Variants in DNAJC5B observed in about 807,000 individuals in gnomAD.
DNAJC5B encodes the protein DnaJ heat shock protein family (Hsp40) member C5 beta, also known as dnaJ homolog subfamily C member 5B.
In DNAJC5B, 23 loss-of-function variants were observed where a neutral mutation model predicts 24.7. The observed-to-expected ratio is 0.93, with a 90% CI of 0.67 to 1.32. The LOEUF (loss-of-function observed/expected upper bound fraction) is 1.32, where lower values mean the gene tolerates loss of function less well. DNAJC5B is among the 40% of genes most tolerant of loss of function. DNAJC5B has a pLI of 0.00. For missense variants in DNAJC5B, 238 were observed against 240.8 expected, an observed-to-expected ratio of 0.99 and a Z score of 0.08; for synonymous variants, 101 against 90.1, an observed-to-expected ratio of 1.12 and a Z score of -0.68.
chr8:66,036,497 G>A (rs532528160), intron 1 of DNAJC5B, among the ~76,000 whole-genome samples: 5 of 152,278 alleles, frequency 3.3e-5, no homozygotes, highest in African/African-American at 9.6e-5. Context: ...AGAGGGCGGC[G>A]TCCTCTCCAG....
chr8:66,025,892 G>A (rs1441248161), intron 1 of DNAJC5B, among the ~76,000 whole-genome samples: 1 of 92,064 alleles, frequency 1.1e-5, no homozygotes, highest in Non-Finnish European at 1.9e-5. Flanking sequence ...TTTGGCTTAG[G>A]ATTGACTTGG....
chr8:66,083,003 C>CTTTTTTTTTTTTTTTTTTTTTTTT (rs765749597), intron 5 of DNAJC5B, among the ~76,000 whole-genome samples: 2 of 86,718 alleles, frequency 2.3e-5, no homozygotes, highest in African/African-American at 4.9e-5. Context: ...CTTTTCTTTT[C>CTTTTTTTTTTTTTTTTTTTTTTTT]TTTTTTTTTT....
intron 1 of DNAJC5B, among the ~76,000 whole-genome samples, chr8:66,039,827 C>T (rs1444048032): frequency 1.3e-5 from 2 of 152,178 alleles, no homozygotes; most frequent in African/African-American, 4.8e-5. Context: ...TCCACTGATG[C>T]ATTTTAAATT....
intron 1 of DNAJC5B, among the ~76,000 whole-genome samples, chr8:66,027,755 T>C (rs1388413781): frequency 6.6e-6 from 1 of 152,192 alleles, no homozygotes; most frequent in Non-Finnish European, 1.5e-5. Flanking sequence ...GAACTGACGC[T>C]ATCTCCCTCC....
chr8:66,048,466 C>T (rs1806773288), intron 2 of DNAJC5B, among the ~76,000 whole-genome samples: 1 of 152,164 alleles, frequency 6.6e-6, no homozygotes, highest in South Asian at 2.1e-4. Context: ...TTAGTCTTTA[C>T]AGAGGGCTTA....
chr8:66,068,055 G>C (rs1292297111), intron 3 of DNAJC5B, among the ~76,000 whole-genome samples: 1 of 152,162 alleles, frequency 6.6e-6, no homozygotes, highest in East Asian at 1.9e-4. Context: ...GATGATCTTA[G>C]TTTTGCAAAG....
chr8:66,022,259 T>G (rs546738498), intron 1 of DNAJC5B, among the ~76,000 whole-genome samples: 1 of 152,346 alleles, frequency 6.6e-6, no homozygotes, highest in Admixed American at 6.5e-5. Flanking sequence ...AGTTCTGTTT[T>G]CTTTACCTTG....
intron 2 of DNAJC5B, among the ~76,000 whole-genome samples, chr8:66,047,187 G>A (rs1014152248): frequency 6.6e-6 from 1 of 152,184 alleles, no homozygotes; most frequent in Non-Finnish European, 1.5e-5. Flanking sequence ...TTAACAATGA[G>A]GGCCAAAATT....
intron 5 of DNAJC5B, among the ~76,000 whole-genome samples, chr8:66,083,109 T>A (rs2128965232): frequency 6.6e-6 from 1 of 150,658 alleles, no homozygotes; most frequent in South Asian, 2.1e-4. Flanking sequence ...CCTCCCGGGT[T>A]CAAGCAATTC....
intron 3 of DNAJC5B, among the ~76,000 whole-genome samples, chr8:66,066,021 T>C (rs1184881511): frequency 6.6e-6 from 1 of 152,226 alleles, no homozygotes; most frequent in African/African-American, 2.4e-5. Flanking sequence ...AGACTGGCTC[T>C]ACGTGGCTGG....
At chr8:66,018,480 C>T (rs1284402043), upstream of DNAJC5B, among the ~76,000 whole-genome samples, 1 of 152,126 alleles carries the variant, frequency 6.6e-6, no homozygotes, top group African/African-American at 2.4e-5. Flanking sequence ...GATCGTGCCA[C>T]TGCACTCCAG....
chr8:66,064,360 G>C (rs1359360652), intron 3 of DNAJC5B, among the ~76,000 whole-genome samples: 1 of 152,166 alleles, frequency 6.6e-6, no homozygotes, highest in Non-Finnish European at 1.5e-5. Flanking sequence ...TTTGTCACTG[G>C]AACTTAAGCC....
upstream of DNAJC5B, among the ~76,000 whole-genome samples, chr8:66,017,901 T>C (rs1188627199): frequency 2.0e-5 from 3 of 152,216 alleles, no homozygotes; most frequent in African/African-American, 7.2e-5. Context: ...AGAAAAATCC[T>C]AAAGAACAAA....
At chr8:66,057,648 A>G (rs796355094) in intron 3 of DNAJC5B, 3 of 152,358 alleles carry the variant, frequency 2.0e-5, no homozygotes, top group African/African-American at 7.2e-5. Flanking sequence ...ATTTCTGAAA[A>G]CTACAGACAA....
chr8:66,072,433 G>A (rs1586100947), intron 3 of DNAJC5B, among the ~76,000 whole-genome samples: 1 of 151,952 alleles, frequency 6.6e-6, no homozygotes. Flanking sequence ...TAAAAACAAA[G>A]TACCCAATAA....
chr8:66,046,876 G>A (rs543961370), intron 2 of DNAJC5B, among the ~76,000 whole-genome samples: 6 of 152,354 alleles, frequency 3.9e-5, no homozygotes, highest in South Asian at 2.1e-4. Flanking sequence ...CACGTTCTCC[G>A]GATGGTGCAC....
At chr8:66,053,932 T>C (rs919923699) in intron 3 of DNAJC5B, among the ~76,000 whole-genome samples, 2 of 141,734 alleles carry the variant, frequency 1.4e-5, no homozygotes, top group Admixed American at 1.5e-4. Context: ...CCTGGCCTAC[T>C]ACCCTTTTTT....
At chr8:66,097,858 T>TA (rs1323526099) in intron 5 of DNAJC5B, among the ~76,000 whole-genome samples, 2 of 151,554 alleles carry the variant, frequency 1.3e-5, no homozygotes, top group Non-Finnish European at 2.9e-5. Context: ...TTGTCTTTTC[T>TA]TTTTTTTTGA....
chr8:66,035,235 A>G (rs1221568719), intron 1 of DNAJC5B, among the ~76,000 whole-genome samples: 1 of 152,196 alleles, frequency 6.6e-6, no homozygotes, highest in Non-Finnish European at 1.5e-5. Context: ...TCCCAGCACC[A>G]CTGCCTAGGC....
Sources: allele counts gnomAD v4.1 joint callset (sites outside exome capture counted in the v4.1 genomes callset), GRCh38; gene constraint gnomAD v4.1.1; transcripts MANE v1.5; gene names NCBI Gene and HGNC (gene_info 2026-07-23, HGNC 2026-07-21).